The following SBF2 variants were observed in gnomAD, a reference collection of about 807,000 sequenced individuals.
The protein encoded by SBF2 is myotubularin-related protein 13.
In SBF2, 112 loss-of-function variants were observed where a neutral mutation model predicts 225.2. The ratio of observed to expected loss-of-function variants is 0.50; its 90% CI spans 0.43 to 0.58. The LOEUF (loss-of-function observed/expected upper bound fraction) is 0.58. SBF2 is among the 20% of genes least tolerant of loss of function. The pLI, the probability that SBF2 is intolerant of heterozygous loss-of-function variation, is 0.00. For missense variants in SBF2, 1,996 were observed against 2,206.2 expected, an observed-to-expected ratio of 0.90 and a Z score of 1.91; for synonymous variants, 763 against 773.3, an observed-to-expected ratio of 0.99 and a Z score of 0.22.
chr11:10,292,718 G>T (rs1252090594), intron 1 of SBF2, among the ~76,000 whole-genome samples: 11 of 151,788 alleles, frequency 7.2e-5, no homozygotes, highest in Non-Finnish European at 2.9e-5. Context: ...AGTGGGGAGG[G>T]GGGGAGGCGG....
intron 28 of SBF2, among the ~76,000 whole-genome samples, chr11:9,818,847 G>A (rs1354173765): frequency 6.6e-6 from 1 of 151,956 alleles, no homozygotes; most frequent in Non-Finnish European, 1.5e-5. Flanking sequence ...TTAGCCTCCC[G>A]AGTAGCTGGG....
rs536275518 is a variant in SBF2, at chr11:9,959,168, T to C, written c.1860+2789A>G. ...CAGGTCACCCAGAGATGATCTTCCATGCTGATTCCTTCACAGGGTCCGATT... is the reference window on the plus strand; with the variant it reads ...CAGGTCACCCAGAGATGATCTTCCACGCTGATTCCTTCACAGGGTCCGATT... On this transcript the variant is annotated intron_variant, in intron 16 of 39. Coordinates refer to ENST00000256190, the MANE Select transcript of SBF2 (RefSeq NM_030962.4). 6.6e-5 allele frequency: 55 copies of C among 827,246 alleles called. No individual in the cohort carries two copies. The East Asian group carries it at 9.2e-4, about 14-fold the overall frequency. The allele number at this position is 827,246 out of a possible 1,614,324, so 51.2% of individuals were successfully genotyped here.
chr11:10,027,392 C>A (rs1374342814), intron 6 of SBF2, among the ~76,000 whole-genome samples: 1 of 152,028 alleles, frequency 6.6e-6, no homozygotes, highest in African/African-American at 2.4e-5. Flanking sequence ...GAAGTTAAAG[C>A]AGAAGTATAT....
At chr11:9,806,850 GATTC>G (rs1234268787) in intron 32 of SBF2, among the ~76,000 whole-genome samples, 1 of 152,100 alleles carries the variant, frequency 6.6e-6, no homozygotes, top group African/African-American at 2.4e-5. Context: ...TTTGTGAATG[GATTC>G]AAAACCACTG....
intron 13 of SBF2, among the ~76,000 whole-genome samples, chr11:9,985,982 T>C (rs572985637): frequency 6.6e-6 from 1 of 152,240 alleles, no homozygotes; most frequent in South Asian, 2.1e-4. Flanking sequence ...AGAATACCCA[T>C]TCTATTCAAC....
chr11:9,905,952 G>C (rs1862081334), intron 16 of SBF2, among the ~76,000 whole-genome samples: 1 of 152,018 alleles, frequency 6.6e-6, no homozygotes, highest in South Asian at 2.1e-4. Context: ...TTAAAATACA[G>C]TCAGGCCATG....
intron 17 of SBF2, among the ~76,000 whole-genome samples, chr11:9,884,973 T>C (rs1860137819): frequency 6.6e-6 from 1 of 152,042 alleles, no homozygotes; most frequent in African/African-American, 2.4e-5. Flanking sequence ...AATTATGGCC[T>C]GGCATGGTGG....
At chr11:9,853,980 G>T (rs1857143133) in intron 19 of SBF2, among the ~76,000 whole-genome samples, 1 of 152,142 alleles carries the variant, frequency 6.6e-6, no homozygotes, top group Non-Finnish European at 1.5e-5. Flanking sequence ...AATACCTTTA[G>T]TCACTCTCCC....
intron 2 of SBF2, among the ~76,000 whole-genome samples, chr11:10,076,386 G>C (rs1316152768): frequency 1.3e-5 from 2 of 152,226 alleles, no homozygotes; most frequent in Non-Finnish European, 1.5e-5. Flanking sequence ...CTGGTTTGGA[G>C]AATCTTCAGA....
At chr11:9,847,233 A>G in intron 22 of SBF2, 150 bp from the exon 23 acceptor site, 1 of 924,334 alleles carries the variant, frequency 1.1e-6, no homozygotes, top group Non-Finnish European at 1.7e-6. Flanking sequence ...CCTTCACTCC[A>G]GAAAAGGATT....
chr11:10,133,371 G>C lies in SBF2; in HGVS notation c.141+60531C>G, dbSNP rs571536638. Among the ~76,000 whole-genome samples, 30 of 149,672 alleles carry C rather than the reference G, an allele frequency of 2.0e-4. 6 individuals carry two copies. The East Asian group carries it at 6.4e-3, about 32-fold the overall frequency. On this transcript the variant is annotated intron_variant, in intron 2 of 39. Transcript: ENST00000256190. ...GGAGCAGGGGGTGGTGCTTGTCGGG[G>C]AGGCTCGGGCCGCACAGGAGCCCAT...
At chr11:10,114,782 A>T (rs779782210) in intron 2 of SBF2, among the ~76,000 whole-genome samples, 4 of 152,162 alleles carry the variant, frequency 2.6e-5, no homozygotes, top group South Asian at 4.1e-4. Context: ...GTCTCTTTGA[A>T]GTTTTTCTAT....
intron 1 of SBF2, among the ~76,000 whole-genome samples, chr11:10,262,524 T>A (rs1228186683): frequency 1.3e-5 from 2 of 152,176 alleles, no homozygotes; most frequent in Non-Finnish European, 2.9e-5. Context: ...CACAGACATC[T>A]CATCCTTATA....
At position 10,063,697 on chromosome 11, in the gene SBF2, T is replaced by G. The variant is rs1048284210; in HGVS notation, c.142-20716A>C. ...GTTAGAAATTATAATATAAAAAAAC[T>G]CAAACTACTGAAGACAAAAACCATA... On this transcript the variant is annotated intron_variant, in intron 2 of 39. Transcript: ENST00000256190. 2.6e-5 allele frequency among the ~76,000 whole-genome samples: 4 copies of G among 151,942 alleles called. No homozygotes were observed. The East Asian group carries it at 5.8e-4, about 22-fold the overall frequency.
rs541260134 is a variant in SBF2, at chr11:10,100,598, T to C, written c.142-57617A>G. 2.0e-5 allele frequency among the ~76,000 whole-genome samples: 3 copies of C among 152,192 alleles called. No homozygotes were observed. In the South Asian group the frequency reaches 6.2e-4, roughly 32 times the overall value. ...CATGGCAGGGTATATGTCTGTAGCC[T>C]GGTCATGGAGTGCTTATAGCTGTAG... On this transcript the variant is annotated intron_variant, in intron 2 of 39. Coordinates refer to ENST00000256190, the MANE Select transcript of SBF2 (RefSeq NM_030962.4).
chr11:10,238,461 G>C (rs532307418), intron 1 of SBF2, among the ~76,000 whole-genome samples: 19 of 152,126 alleles, frequency 1.2e-4, no homozygotes, highest in Non-Finnish European at 1.8e-4. Flanking sequence ...AAAGAAGGCT[G>C]GTGTAGCTCT....
intron 2 of SBF2, among the ~76,000 whole-genome samples, chr11:10,105,610 T>C (rs962335631): frequency 1.6e-4 from 25 of 152,206 alleles, no homozygotes; most frequent in Non-Finnish European, 1.5e-5. Context: ...AGCTCACTTT[T>C]TTATATTTAG....
At chr11:10,179,398 A>T (rs953350044) in intron 2 of SBF2, among the ~76,000 whole-genome samples, 1 of 150,576 alleles carries the variant, frequency 6.6e-6, no homozygotes, top group Middle Eastern at 3.4e-3. Context: ...AAAAAAAAAC[A>T]AAAACAAAAC....
intron 25 of SBF2, among the ~76,000 whole-genome samples, chr11:9,840,263 A>T (rs1249413885): frequency 6.6e-6 from 1 of 152,002 alleles, no homozygotes; most frequent in Non-Finnish European, 1.5e-5. Context: ...AAAAAAAAAA[A>T]AAAACAAACC....
Sources: allele counts gnomAD v4.1 joint callset (sites outside exome capture counted in the v4.1 genomes callset), GRCh38; gene constraint gnomAD v4.1.1; transcripts MANE v1.5; gene names NCBI Gene and HGNC (gene_info 2026-07-23, HGNC 2026-07-21).